The following ERC1 variants were observed in gnomAD, a reference collection of about 807,000 sequenced individuals.
ERC1 encodes RAB6 interacting protein 2.
Under a neutral mutation model 132.0 loss-of-function variants are expected in ERC1, and 56 were observed. The observed-to-expected ratio is 0.42, with a 90% CI of 0.34 to 0.53. The LOEUF (loss-of-function observed/expected upper bound fraction) is 0.53. Ranked by LOEUF, ERC1 falls within the 20% of genes least tolerant of loss-of-function variation. The pLI is 0.03. For missense variants in ERC1, 1,202 were observed against 1,349.9 expected (o/e 0.89, Z 1.72); for synonymous variants, 478 against 476.1 (o/e 1.00, Z -0.05).
chr12:1,027,854 G>T lies in ERC1; in HGVS notation c.-50G>T, dbSNP rs567169596. 2,562 of 1,435,674 alleles carry T rather than the reference G, an allele frequency of 1.8e-3. 60 individuals carry two copies. In the South Asian group the frequency reaches 0.031, roughly 18 times the overall value. The allele number at this position is 1,435,674 out of a possible 1,614,324, so 88.9% of individuals were successfully genotyped here. ...GACACCTCACAAGGTTCCCATTTTT[G>T]TTGTTGTTGTTGTTGATTTTCTGCT... On this transcript the variant is annotated 5_prime_UTR_variant, in exon 2 of 19. Transcript: ENST00000360905.
intron 7 of ERC1, among the ~76,000 whole-genome samples, chr12:1,125,977 C>T (rs1593505819): frequency 1.3e-5 from 2 of 152,148 alleles, no homozygotes; most frequent in South Asian, 2.1e-4. Flanking sequence ...TGGTTACCAG[C>T]GGCTGGGAAG....
intron 15 of ERC1, among the ~76,000 whole-genome samples, chr12:1,362,456 CTCTCTCTCTCTCTG>C (rs1423811185): frequency 1.3e-5 from 2 of 152,072 alleles, no homozygotes; most frequent in Non-Finnish European, 2.9e-5. Context: ...CTGTCTCTCT[CTCTCTCTCTCTCTG>C]TCTCTCTCTC....
intron 13 of ERC1, among the ~76,000 whole-genome samples, chr12:1,252,686 G>A (rs1350134604): frequency 1.3e-5 from 2 of 152,160 alleles, no homozygotes; most frequent in Non-Finnish European, 2.9e-5. Flanking sequence ...AGACATTTGA[G>A]GTGTTTTAAG....
intron 15 of ERC1, among the ~76,000 whole-genome samples, chr12:1,314,119 A>G (rs1006033773): frequency 3.3e-5 from 5 of 152,274 alleles, no homozygotes; most frequent in Admixed American, 3.3e-4. Context: ...ATTGTATTAG[A>G]AAGATGAGAA....
At chr12:1,336,952 C>T (rs545062629) in intron 15 of ERC1, among the ~76,000 whole-genome samples, 3 of 152,272 alleles carry the variant, frequency 2.0e-5, no homozygotes, top group South Asian at 2.1e-4. Flanking sequence ...CATGCACGAG[C>T]ATGCTGGCTA....
intron 12 of ERC1, among the ~76,000 whole-genome samples, chr12:1,236,429 C>T (rs1176052274): frequency 1.3e-5 from 2 of 152,134 alleles, no homozygotes; most frequent in African/African-American, 4.8e-5. Context: ...TATTTCAGTG[C>T]GTCGATGTCA....
chr12:1,426,382 G>C lies in ERC1; in HGVS notation c.3024+18135G>C, dbSNP rs1022601961. Among the ~76,000 whole-genome samples, 16 of 152,284 alleles carry C rather than the reference G, an allele frequency of 1.1e-4. No homozygotes were observed. In the East Asian group the frequency reaches 3.1e-3, roughly 29 times the overall value. On this transcript the variant is annotated intron_variant, in intron 17 of 18. Coordinates refer to ENST00000360905, the MANE Select transcript of ERC1 (RefSeq NM_178040.4). ...AACCTCCCAAAATGCTGGCATTACA[G>C]GTATGAGCCACTTTGCCCGGCCTTT...
chr12:1,021,435 G>A (rs547174221), intron 1 of ERC1, among the ~76,000 whole-genome samples: 2 of 151,634 alleles, frequency 1.3e-5, no homozygotes, highest in Non-Finnish European at 2.9e-5. Flanking sequence ...CCGGCCGGGC[G>A]CGGTGGCTCA....
intron 17 of ERC1, among the ~76,000 whole-genome samples, chr12:1,441,324 G>T (rs1377043218): frequency 6.6e-6 from 1 of 151,984 alleles, no homozygotes; most frequent in Admixed American, 6.6e-5. Flanking sequence ...GCCTCCCAAA[G>T]TGCTGGGATT....
intron 18 of ERC1, among the ~76,000 whole-genome samples, chr12:1,474,241 G>A (rs1255262665): frequency 1.3e-5 from 2 of 152,178 alleles, no homozygotes; most frequent in Non-Finnish European, 1.5e-5. Context: ...AGAACCTCAA[G>A]TTTAGATTCT....
At chr12:1,010,631 C>T (rs1296613587) in intron 1 of ERC1, among the ~76,000 whole-genome samples, 2 of 151,242 alleles carry the variant, frequency 1.3e-5, no homozygotes, top group Admixed American at 6.6e-5. Flanking sequence ...CTGCCTCAGC[C>T]TCCTGAGTAG....
chr12:1,197,190 A>C (rs372024704), intron 12 of ERC1, among the ~76,000 whole-genome samples: 1 of 151,588 alleles, frequency 6.6e-6, no homozygotes, highest in African/African-American at 2.4e-5. Context: ...CATCTTAACC[A>C]GGATGGTCTC....
At chr12:1,273,138 C>G (rs968826231) in intron 14 of ERC1, among the ~76,000 whole-genome samples, 2 of 152,014 alleles carry the variant, frequency 1.3e-5, no homozygotes, top group Admixed American at 1.3e-4. Flanking sequence ...GGTTTTAGAA[C>G]GTTATCCTTA....
rs778867282 is a variant in ERC1 at position 1,027,885 on chromosome 12, C to G, written c.-19C>G. 6.4e-7 allele frequency: 1 copy of G among 1,573,344 alleles called. No individual in the cohort carries two copies. The highest frequency in any genetic ancestry group is 8.6e-7 in the Non-Finnish European group (1 of 1,157,954). On this transcript the variant is annotated 5_prime_UTR_variant, in exon 2 of 19. Transcript: ENST00000360905. The stretch of plus-strand genomic sequence containing the variant: ...GTTGTTGTTGATTTTCTGCTCACAC[C>G]TTTCCTGACCTTGCAACCATGTATG...
intron 2 of ERC1, among the ~76,000 whole-genome samples, chr12:1,057,030 G>C (rs559960080): frequency 6.6e-6 from 1 of 152,242 alleles, no homozygotes; most frequent in East Asian, 1.9e-4. Flanking sequence ...GTCTACATAG[G>C]TGATGTTATT....
intron 15 of ERC1, among the ~76,000 whole-genome samples, chr12:1,315,351 G>T (rs916600751): frequency 2.0e-5 from 3 of 151,656 alleles, no homozygotes; most frequent in African/African-American, 4.8e-5. Flanking sequence ...TTTTTGTTTT[G>T]TTTTGTTTTG....
chr12:1,299,927 G>A (rs1050757600), intron 15 of ERC1, among the ~76,000 whole-genome samples: 4 of 152,144 alleles, frequency 2.6e-5, no homozygotes, highest in African/African-American at 9.7e-5. Context: ...GCTCAAGAAG[G>A]AATAGAAAAG....
At chr12:1,400,919 T>TTATTATTATTA (rs1566775077) in intron 16 of ERC1, among the ~76,000 whole-genome samples, 8 of 33,160 alleles carry the variant, frequency 2.4e-4, no homozygotes, top group African/African-American at 1.8e-3. Flanking sequence ...TTTTTGTATT[T>TTATTATTATTA]TTTTTTTTTT....
At chr12:1,226,822 G>T (rs1156783960) in intron 12 of ERC1, among the ~76,000 whole-genome samples, 2 of 152,148 alleles carry the variant, frequency 1.3e-5, no homozygotes. Flanking sequence ...GATTACAGGT[G>T]TGTACCACCA....
Sources: allele counts gnomAD v4.1 joint callset (sites outside exome capture counted in the v4.1 genomes callset), GRCh38; gene constraint gnomAD v4.1.1; transcripts MANE v1.5; gene names NCBI Gene and HGNC (gene_info 2026-07-23, HGNC 2026-07-21).